Variants in MS4A6E observed in about 807,000 individuals in gnomAD.
MS4A6E encodes membrane spanning 4-domains A6E, also known as membrane-spanning 4-domains subfamily A member 6E.
Under a neutral mutation model 13.2 loss-of-function variants are expected in MS4A6E, and 8 were observed. That is an observed-to-expected ratio of 0.60 (90% CI 0.35 to 1.09). MS4A6E has a LOEUF of 1.09. Among genes scored for constraint, MS4A6E ranks in the 50% least tolerant of loss-of-function variants. The pLI is 0.02. For missense variants in MS4A6E, 177 were observed against 171.1 expected, an observed-to-expected ratio of 1.03 and a Z score of -0.19; for synonymous variants, 72 against 67.6, an observed-to-expected ratio of 1.06 and a Z score of -0.32.
chr11:60,328,267 T>C (rs72924626), intron 1 of MS4A6E, among the ~76,000 whole-genome samples: 44,070 of 151,968 alleles, frequency 0.29, 7,292 homozygotes, highest in South Asian at 0.45. Context: ...AATCAAAAAG[T>C]AAGTGAAATT....
intron 4 of MS4A6E, among the ~76,000 whole-genome samples, chr11:60,347,646 G>C (rs1317567994): frequency 6.6e-6 from 1 of 151,512 alleles, no homozygotes; most frequent in Non-Finnish European, 1.5e-5. Flanking sequence ...TGGAGGCGAA[G>C]ACAGTGAGGG....
chr11:60,342,145 G>GT (rs1491162368), downstream of MS4A6E, among the ~76,000 whole-genome samples: 2 of 24,730 alleles, frequency 8.1e-5, no homozygotes, highest in African/African-American at 7.3e-4. Flanking sequence ...GGATAAACAA[G>GT]TGTGTGTGTG....
chr11:60,338,526 A>G (rs1274935566), intron 3 of MS4A6E: 3 of 152,626 alleles, frequency 2.0e-5, no homozygotes, highest in African/African-American at 7.2e-5. Context: ...GAAGTGTGAT[A>G]TCTTAAATCA....
chr11:60,339,798 C>T (rs1471505315), intron 3 of MS4A6E, 68 bp from the exon 4 acceptor site: 4 of 1,366,694 alleles, frequency 2.9e-6, no homozygotes. Flanking sequence ...TCTATGGTCA[C>T]CTCTAAACTA....
At chr11:60,334,574 G>T (rs2085176532) in intron 1 of MS4A6E, among the ~76,000 whole-genome samples, 1 of 152,144 alleles carries the variant, frequency 6.6e-6, no homozygotes, top group Admixed American at 6.5e-5. Flanking sequence ...GTAGGACTGG[G>T]CAAAGGGACA....
intron 2 of MS4A6E, among the ~76,000 whole-genome samples, chr11:60,337,150 C>T (rs1214879131): frequency 6.6e-6 from 1 of 152,148 alleles, no homozygotes; most frequent in African/African-American, 2.4e-5. Flanking sequence ...GGTTCCAGGG[C>T]CTGCCTGAGA....
chr11:60,342,493 G>A (rs537318529), downstream of MS4A6E, among the ~76,000 whole-genome samples: 3 of 152,130 alleles, frequency 2.0e-5, no homozygotes, highest in South Asian at 4.2e-4. Context: ...AGATGAGGCT[G>A]GTTTTATAGA....
chr11:60,332,724 A>C lies in MS4A6E; in HGVS notation c.-14-2158A>C, dbSNP rs184255956. On this transcript the variant is annotated intron_variant, in intron 1 of 4. Coordinates refer to ENST00000684409, the MANE Select transcript of MS4A6E (RefSeq NM_139249.4). The stretch of plus-strand genomic sequence containing the variant: ...AAAACTGCTCTTTATTAGTTGACCC[A>C]AAATCATAATTTGGACAGAGATATT... Among the ~76,000 whole-genome samples the C allele has an allele frequency of 3.4e-3, 518 of 152,368 alleles. 2 individuals carry two copies. The highest frequency in any genetic ancestry group is 0.014 in the Middle Eastern group (4 of 294).
At chr11:60,335,124 G>C (rs2085180625) in intron 2 of MS4A6E, 82 bp downstream of exon 2, 3 of 1,558,948 alleles carry the variant, frequency 1.9e-6, no homozygotes, top group Non-Finnish European at 2.6e-6. Flanking sequence ...GGTCATCCTT[G>C]TGAGTGTGGA....
chr11:60,332,605 A>AAGGC (rs2085163907), intron 1 of MS4A6E, among the ~76,000 whole-genome samples: 1 of 152,222 alleles, frequency 6.6e-6, no homozygotes, highest in Non-Finnish European at 1.5e-5. Context: ...TCAGTTTGAC[A>AAGGC]TGGCATGGTT....
rs754514310 is a variant in MS4A6E at position 60,335,000 on chromosome 11, T to C, written c.105T>C (p.Asp35=). ...CCGAACCCACCAACCAGGGGCAGGA[T>C]AGCCTGAAGAAACGTCTACAGGCAA... The part of the protein sequence containing the change: ...EKPEPTNQGQ[D]SLKKRLQAKV... Residue 35 remains aspartate (D), a synonymous_variant, in exon 2 of 5, where the codon GAT becomes GAC. Transcript: ENST00000684409. 1.5e-5 allele frequency: 25 copies of C among 1,614,064 alleles called. No individual in the cohort carries two copies. Among genetic ancestry groups the C allele is most frequent in the Middle Eastern group, 1.6e-4 (1 of 6,084 alleles).
At chr11:60,335,735 C>T in intron 2 of MS4A6E, 1 of 354,274 alleles carries the variant, frequency 2.8e-6, no homozygotes, top group East Asian at 8.1e-5. Context: ...TTCTATGAGG[C>T]TCAGGTGACA....
At chr11:60,347,106 A>G (rs79298471) in intron 4 of MS4A6E, among the ~76,000 whole-genome samples, 73 of 152,216 alleles carry the variant, frequency 4.8e-4, no homozygotes, top group African/African-American at 1.7e-3. Flanking sequence ...TTTTAGAGAT[A>G]GTGCAGCTGG....
At chr11:60,342,392 AT>A (rs965589032), downstream of MS4A6E, among the ~76,000 whole-genome samples, 1 of 152,136 alleles carries the variant, frequency 6.6e-6, no homozygotes, top group African/African-American at 2.4e-5. Context: ...CAAAGAGTGA[AT>A]TTAAGAGCAG....
At chr11:60,333,514 G>A (rs1054832598) in intron 1 of MS4A6E, among the ~76,000 whole-genome samples, 23 of 152,152 alleles carry the variant, frequency 1.5e-4, no homozygotes, top group Non-Finnish European at 2.6e-4. Context: ...AATGGAGGGG[G>A]AAACACGATA....
rs531145639 is a variant in MS4A6E at position 60,333,380 on chromosome 11, T to C, written c.-14-1502T>C. Among the ~76,000 whole-genome samples the C allele has an allele frequency of 3.9e-5, 6 of 152,316 alleles. No homozygotes were observed. In the East Asian group the frequency reaches 1.2e-3, roughly 29 times the overall value. On this transcript the variant is annotated intron_variant, in intron 1 of 4. Transcript: ENST00000684409. ...GAAAAGGAGATTTTGCTTACTAGTT[T>C]CTAGCTTTTGTTTTCCAGCAATCCA...
chr11:60,328,526 TACACACACACACACAC>T (rs35996897), intron 1 of MS4A6E, among the ~76,000 whole-genome samples: 1 of 145,724 alleles, frequency 6.9e-6, no homozygotes, highest in Non-Finnish European at 1.5e-5. Context: ...AACTGTGAGA[TACACACACACACACAC>T]ACACACACAC....
intron 1 of MS4A6E, among the ~76,000 whole-genome samples, chr11:60,332,909 T>A (rs1199908004): frequency 6.6e-6 from 1 of 152,254 alleles, no homozygotes; most frequent in East Asian, 1.9e-4. Context: ...CAGAACCAGA[T>A]GACTCTTTCT....
chr11:60,347,507 C>G (rs1252998721), intron 4 of MS4A6E, among the ~76,000 whole-genome samples: 1 of 150,750 alleles, frequency 6.6e-6, no homozygotes, highest in Non-Finnish European at 1.5e-5. Flanking sequence ...CAGAGGAGTC[C>G]CAATGTTCTA....
Sources: allele counts gnomAD v4.1 joint callset (sites outside exome capture counted in the v4.1 genomes callset), GRCh38; gene constraint gnomAD v4.1.1; transcripts MANE v1.5; gene names NCBI Gene and HGNC (gene_info 2026-07-23, HGNC 2026-07-21).